The following KIF26B variants were observed in gnomAD, a reference collection of about 807,000 sequenced individuals.
The protein encoded by KIF26B is kinesin-like protein KIF26B.
Under a neutral mutation model 151.2 loss-of-function variants are expected in KIF26B, and 63 were observed. That is an observed-to-expected ratio of 0.42 (90% CI 0.34 to 0.51). The LOEUF (loss-of-function observed/expected upper bound fraction) is 0.51, where lower values mean the gene tolerates loss of function less well. Ranked by LOEUF, KIF26B falls within the 20% of genes least tolerant of loss-of-function variation. KIF26B has a pLI of 0.07. For synonymous variants in KIF26B, 1,357 were observed against 1,262.1 expected (o/e 1.08, Z -1.59); for missense variants, 2,813 against 2,913.6 (o/e 0.97, Z 0.79).
intron 4 of KIF26B, among the ~76,000 whole-genome samples, chr1:245,513,546 C>T (rs907150935): frequency 2.0e-5 from 3 of 152,120 alleles, no homozygotes; most frequent in Non-Finnish European, 2.9e-5. Flanking sequence ...ACACATGGAA[C>T]GAAGCTTTCA....
At chr1:245,202,716 C>T (rs1285984359) in intron 2 of KIF26B, among the ~76,000 whole-genome samples, 4 of 141,716 alleles carry the variant, frequency 2.8e-5, no homozygotes, top group Admixed American at 7.5e-5. Context: ...GCTGAGATCG[C>T]GCTGCTGCAC....
At chr1:245,441,172 AC>A (rs1659069339) in intron 4 of KIF26B, among the ~76,000 whole-genome samples, 1 of 152,154 alleles carries the variant, frequency 6.6e-6, no homozygotes, top group South Asian at 2.1e-4. Flanking sequence ...GCTGGTGTCT[AC>A]CACCGTAATT....
intron 4 of KIF26B, among the ~76,000 whole-genome samples, chr1:245,473,627 C>T (rs1386249011): frequency 3.3e-5 from 5 of 151,868 alleles, no homozygotes; most frequent in Admixed American, 6.6e-5. Context: ...CACTCAGTGC[C>T]CGCAACTGTT....
At chr1:245,301,061 T>C (rs1480196783) in intron 2 of KIF26B, among the ~76,000 whole-genome samples, 14 of 140,856 alleles carry the variant, frequency 9.9e-5, no homozygotes, top group African/African-American at 2.1e-4. Context: ...GAACTCCTGA[T>C]CTCAGGTGAT....
At chr1:245,415,894 A>G (rs1484647444) in intron 3 of KIF26B, among the ~76,000 whole-genome samples, 2 of 151,766 alleles carry the variant, frequency 1.3e-5, no homozygotes, top group Non-Finnish European at 2.9e-5. Context: ...GCAGCTCTTG[A>G]TCCCCAAACA....
chr1:245,600,193 C>T (rs568846876), intron 5 of KIF26B, among the ~76,000 whole-genome samples: 18 of 119,606 alleles, frequency 1.5e-4, no homozygotes, highest in South Asian at 2.7e-4. Flanking sequence ...CGCCCGCCAC[C>T]ATGCCCGGCT....
chr1:245,186,892 T>C (rs1184821170), intron 2 of KIF26B, among the ~76,000 whole-genome samples: 1 of 152,156 alleles, frequency 6.6e-6, no homozygotes, highest in African/African-American at 2.4e-5. Context: ...AGTCTCTCTC[T>C]GTAGCCCAGG....
chr1:245,279,662 T>G (rs1195117641), intron 2 of KIF26B, among the ~76,000 whole-genome samples: 6 of 151,630 alleles, frequency 4.0e-5, no homozygotes. Flanking sequence ...GCCTGATGCT[T>G]TTTTTTTATC....
chr1:245,164,399 T>G, intron 2 of KIF26B, among the ~76,000 whole-genome samples: 1 of 152,262 alleles, frequency 6.6e-6, no homozygotes, highest in Non-Finnish European at 1.5e-5. Context: ...AATGAACATT[T>G]TTGATTCCTG....
chr1:245,325,436 GGGCGCGGT>G lies in KIF26B; in HGVS notation c.466-41394_466-41387del, dbSNP rs1158290484. Among the ~76,000 whole-genome samples, 5 of 152,320 alleles carry G rather than the reference GGGCGCGGT, an allele frequency of 3.3e-5. No individual in the cohort carries two copies. The East Asian group carries it at 9.7e-4, about 29-fold the overall frequency. Reference sequence around the variant, plus strand: ...ACAGGCTTAAGAATCCATTTCAGCTGGGCGCGGTGGCTCACGCCAGTAATCCCAGCACT... The same window carrying G: ...ACAGGCTTAAGAATCCATTTCAGCTGGGCTCACGCCAGTAATCCCAGCACT... On this transcript the variant is annotated intron_variant, in intron 2 of 14. Coordinates refer to ENST00000407071, the MANE Select transcript of KIF26B (RefSeq NM_018012.4).
intron 2 of KIF26B, among the ~76,000 whole-genome samples, chr1:245,321,950 G>A (rs6659950): frequency 0.024 from 3,615 of 152,252 alleles, 152 homozygotes; most frequent in African/African-American, 0.082. Context: ...AAGAAAGTAC[G>A]TTGAGATCTT....
Position 245,164,925 on chromosome 1 carries a change from T to C in KIF26B, c.465+8242T>C, listed in dbSNP as rs144109750. On this transcript the variant is annotated intron_variant, in intron 2 of 14. Coordinates refer to ENST00000407071, the MANE Select transcript of KIF26B (RefSeq NM_018012.4). ...CCGTCTCTACTAAAAATACAAAAAT[T>C]AGCCGGGCGTGGTGGCCCACACCTG... Among the ~76,000 whole-genome samples the C allele has an allele frequency of 8.9e-3, 1,351 of 151,866 alleles. 19 individuals carry two copies. Among genetic ancestry groups the C allele is most frequent in the African/African-American group, 0.031 (1,267 of 41,390 alleles).
In KIF26B at chr1:245,155,329, C is replaced by T. The variant is rs1342517195; in HGVS notation, c.-96C>T. 2.9e-6 allele frequency: 3 copies of T among 1,028,580 alleles called. No individual in the cohort carries two copies. The highest frequency in any genetic ancestry group is 4.4e-6 in the Non-Finnish European group (3 of 675,262). The allele number at this position is 1,028,580 out of a possible 1,614,324, so 63.7% of individuals were successfully genotyped here. A position where few individuals can be genotyped will look rare whatever the true frequency, so the allele number is the denominator to read the frequency against. ...GAAACCTTGCCCTGAGGGCTGAGAG[C>T]CAGCCCCCTGCAGCCGGGGGACGCT... On this transcript the variant is annotated 5_prime_UTR_variant, in exon 1 of 15. Transcript: ENST00000407071.
Position 245,219,127 on chromosome 1 carries a change from C to CTTTTTTT in KIF26B, c.465+62467_465+62473dup, listed in dbSNP as rs1166578525. ...CACAGGAGGTAGCAAATACCTACCT[C>CTTTTTTT]TTTTTTTTTTTTTTTTTTTTTTTTT... is the stretch of plus-strand genomic sequence containing the variant. On this transcript the variant is annotated intron_variant, in intron 2 of 14. Coordinates refer to ENST00000407071, the MANE Select transcript of KIF26B (RefSeq NM_018012.4). Among the ~76,000 whole-genome samples, 85 of 56,184 alleles carry CTTTTTTT rather than the reference C, an allele frequency of 1.5e-3. 10 individuals are homozygous for CTTTTTTT. Among genetic ancestry groups the CTTTTTTT allele is most frequent in the African/African-American group, 4.2e-3 (64 of 15,296 alleles). 36.9% of individuals were successfully genotyped at this position (56,184 alleles called of 152,430 possible). A position where few individuals can be genotyped will look rare whatever the true frequency, so the allele number is the denominator to read the frequency against.
chr1:245,303,880 C>T (rs1403740970), intron 2 of KIF26B, among the ~76,000 whole-genome samples: 1 of 152,200 alleles, frequency 6.6e-6, no homozygotes, highest in Admixed American at 6.5e-5. Context: ...TGTGACACCA[C>T]ATGAAGAGGG....
intron 3 of KIF26B, among the ~76,000 whole-genome samples, chr1:245,384,135 T>TACC (rs1472972060): frequency 6.6e-6 from 1 of 152,182 alleles, no homozygotes; most frequent in African/African-American, 2.4e-5. Context: ...TTTGAGCAGC[T>TACC]ACCACTTCCC....
intron 9 of KIF26B, among the ~76,000 whole-genome samples, chr1:245,634,588 A>T (rs1313802503): frequency 2.6e-5 from 4 of 152,214 alleles, no homozygotes; most frequent in Admixed American, 6.5e-5. Context: ...ACAATCATAT[A>T]GTTTTCCTTT....
chr1:245,374,137 A>ATG (rs2103014469), intron 3 of KIF26B, among the ~76,000 whole-genome samples: 1 of 107,206 alleles, frequency 9.3e-6, no homozygotes, highest in South Asian at 3.5e-4. Flanking sequence ...ATATATATAT[A>ATG]TGGGCACAAA....
intron 12 of KIF26B, among the ~76,000 whole-genome samples, chr1:245,694,554 A>G (rs1462961200): frequency 1.3e-5 from 2 of 152,116 alleles, no homozygotes; most frequent in African/African-American, 4.8e-5. Flanking sequence ...TCGTGTGGGG[A>G]CTTCTGTCTG....
Sources: gnomAD v4.1 joint callset for allele counts (sites outside exome capture counted in the v4.1 genomes callset) on GRCh38, gnomAD v4.1.1 for gene constraint, MANE v1.5 for transcripts, NCBI Gene and HGNC (gene_info 2026-07-23, HGNC 2026-07-21) for gene names.